Variants in PACSIN2 observed in about 807,000 individuals in gnomAD.
PACSIN2 encodes protein kinase C and casein kinase substrate in neurons 2.
A neutral mutation model predicts 63.8 loss-of-function variants in PACSIN2; 25 were observed. The ratio of observed to expected loss-of-function variants is 0.39; its 90% CI spans 0.29 to 0.55. The LOEUF is 0.55. PACSIN2 is among the 20% of genes least tolerant of loss of function. The pLI is 0.62. For synonymous variants in PACSIN2, 255 were observed against 256.2 expected, an observed-to-expected ratio of 1.00 and a Z score of 0.05; for missense variants, 518 against 646.9, an observed-to-expected ratio of 0.80 and a Z score of 2.16.
intron 3 of PACSIN2, among the ~76,000 whole-genome samples, chr22:42,891,560 C>T (rs1233062121): frequency 1.3e-5 from 2 of 152,296 alleles, no homozygotes; most frequent in East Asian, 3.9e-4. Flanking sequence ...GCCACCACGC[C>T]TGGCTAAATT....
At chr22:43,001,353 T>A (rs1278315565) in intron 1 of PACSIN2, among the ~76,000 whole-genome samples, 1 of 152,238 alleles carries the variant, frequency 6.6e-6, no homozygotes, top group Non-Finnish European at 1.5e-5. Context: ...GCTCAGCCAG[T>A]TGCCAAGGCA....
Position 42,891,071 on chromosome 22 carries a change from T to C in PACSIN2, c.329A>G (p.Glu110Gly). The C allele has an allele frequency of 6.2e-7, 1 of 1,614,164 alleles. No homozygotes were observed. ...TTCCTTCTGCCAGTTCTTGATCTTC[T>C]CGAAGTCATCGTTCATCAGTGAGGC... ...VKASLMNDDF[E>G]KIKNWQKEAF... is the part of the protein sequence containing the mutation. The change falls in exon 4 of 11, where the codon GAG (glutamate) becomes GGG (glycine). Residue 110 changes from glutamate (E) to glycine (G), a missense_variant. Physicochemically the swap from Glu to Gly is moderately conservative, Grantham distance 98. This residue lies in a region of PACSIN2 where 507 missense variants were observed against 612.3 expected (regional missense o/e 0.83). Transcript: ENST00000263246.
At chr22:42,940,625 C>A (rs570648485) in intron 1 of PACSIN2, among the ~76,000 whole-genome samples, 2 of 152,352 alleles carry the variant, frequency 1.3e-5, no homozygotes, top group South Asian at 4.1e-4. Context: ...ACCCCAGGTC[C>A]TGGGTTTCCC....
At chr22:42,948,766 G>C (rs1177002131) in intron 1 of PACSIN2, among the ~76,000 whole-genome samples, 1 of 152,186 alleles carries the variant, frequency 6.6e-6, no homozygotes, top group Non-Finnish European at 1.5e-5. Flanking sequence ...TCATTCAAAG[G>C]TATCAGCTAG....
chr22:42,884,784 C>G (rs191100660), intron 5 of PACSIN2, among the ~76,000 whole-genome samples: 2 of 152,266 alleles, frequency 1.3e-5, no homozygotes, highest in Admixed American at 1.3e-4. Context: ...AAGGCCCAGA[C>G]AGGTAGATGC....
chr22:42,882,038 C>T, intron 7 of PACSIN2, 146 bp downstream of exon 7: 2 of 924,430 alleles, frequency 2.2e-6, no homozygotes, highest in East Asian at 2.6e-5. Context: ...AGAACTTGGT[C>T]TGTACTATAG....
chr22:42,972,470 C>G (rs567202319), intron 1 of PACSIN2, among the ~76,000 whole-genome samples: 13 of 152,042 alleles, frequency 8.6e-5, no homozygotes, highest in Non-Finnish European at 1.9e-4. Flanking sequence ...CTGCCAAATC[C>G]CCCTCTCCGA....
intron 2 of PACSIN2, among the ~76,000 whole-genome samples, chr22:42,902,354 AC>A (rs1397243477): frequency 6.6e-6 from 1 of 151,896 alleles, no homozygotes; most frequent in Non-Finnish European, 1.5e-5. Flanking sequence ...CCCACAGATT[AC>A]CCCTCCCCCT....
chr22:42,964,096 C>A (rs1037237312), intron 1 of PACSIN2, among the ~76,000 whole-genome samples: 1 of 152,198 alleles, frequency 6.6e-6, no homozygotes, highest in Non-Finnish European at 1.5e-5. Context: ...AACCCTTTCC[C>A]CAGCCCGCGG....
intron 1 of PACSIN2, among the ~76,000 whole-genome samples, chr22:42,994,188 G>A (rs1048265987): frequency 6.6e-6 from 1 of 152,234 alleles, no homozygotes; most frequent in South Asian, 2.1e-4. Flanking sequence ...TAAAATGACA[G>A]TGCAGTGCGC....
rs893390101 is a variant in PACSIN2, at chr22:42,893,628, C to T, written c.61-15G>A. 2 of 1,608,368 alleles carry T rather than the reference C, an allele frequency of 1.2e-6. No individual in the cohort carries two copies. Among genetic ancestry groups the T allele is most frequent in the Admixed American group, 3.3e-5 (2 of 59,846 alleles). Reference sequence around the variant, plus strand: ...TAGTTCCCGACCTAGGAGAGAGAACCAGCTGGGAGGCAGGGGGCTTGGGGC... The same window carrying T: ...TAGTTCCCGACCTAGGAGAGAGAACTAGCTGGGAGGCAGGGGGCTTGGGGC... On this transcript the variant is annotated splice_polypyrimidine_tract_variant and intron_variant, in intron 2 of 10. Transcript: ENST00000263246.
intron 1 of PACSIN2, among the ~76,000 whole-genome samples, chr22:42,976,123 C>A (rs1479866149): frequency 6.6e-6 from 1 of 152,202 alleles, no homozygotes; most frequent in Non-Finnish European, 1.5e-5. Context: ...GAAAAGGGGG[C>A]TAGAAACTAT....
At chr22:42,995,529 G>C (rs1569363183) in intron 1 of PACSIN2, among the ~76,000 whole-genome samples, 1 of 152,156 alleles carries the variant, frequency 6.6e-6, no homozygotes, top group Non-Finnish European at 1.5e-5. Context: ...CACAGCAAGA[G>C]AGCAAGTGTC....
intron 1 of PACSIN2, among the ~76,000 whole-genome samples, chr22:42,981,236 C>T (rs1313404942): frequency 1.6e-5 from 2 of 121,348 alleles, no homozygotes; most frequent in Non-Finnish European, 3.4e-5. Flanking sequence ...AGTGAGGAAA[C>T]CCTCTGCCTG....
chr22:42,941,556 CAT>C (rs912790338), intron 1 of PACSIN2, among the ~76,000 whole-genome samples: 4 of 152,182 alleles, frequency 2.6e-5, no homozygotes, highest in African/African-American at 4.8e-5. Flanking sequence ...CTCACCAACA[CAT>C]GTTGTCTTTT....
At chr22:42,985,854 A>G (rs553477949) in intron 1 of PACSIN2, among the ~76,000 whole-genome samples, 2 of 152,278 alleles carry the variant, frequency 1.3e-5, no homozygotes, top group East Asian at 1.9e-4. Context: ...CTCATCTCCA[A>G]CTGAAGTGAT....
intron 3 of PACSIN2, among the ~76,000 whole-genome samples, chr22:42,891,717 T>G (rs185444047): frequency 6.6e-6 from 1 of 152,340 alleles, no homozygotes; most frequent in Non-Finnish European, 1.5e-5. Context: ...TGCCTTTCCT[T>G]TATTTAAAGC....
At chr22:42,932,410 T>G (rs564971286) in intron 1 of PACSIN2, among the ~76,000 whole-genome samples, 1 of 152,230 alleles carries the variant, frequency 6.6e-6, no homozygotes, top group African/African-American at 2.4e-5. Context: ...AGTTTTTACC[T>G]GTGTACAGTC....
intron 2 of PACSIN2, among the ~76,000 whole-genome samples, chr22:42,910,879 A>G (rs1601505255): frequency 6.6e-6 from 1 of 151,458 alleles, no homozygotes; most frequent in East Asian, 1.9e-4. Flanking sequence ...TCCCTTGCCT[A>G]GCACACTACA....
Sources: gnomAD v4.1 joint callset for allele counts (sites outside exome capture counted in the v4.1 genomes callset) on GRCh38, gnomAD v4.1.1 for gene constraint, gnomAD v4.1.1 regional missense constraint, MANE v1.5 for transcripts, NCBI Gene and HGNC (gene_info 2026-07-23, HGNC 2026-07-21) for gene names.